The following MACROD2 variants were observed in gnomAD, a reference collection of about 807,000 sequenced individuals.
MACROD2 encodes the protein ADP-ribose glycohydrolase MACROD2.
In MACROD2, 36 loss-of-function variants were observed where a neutral mutation model predicts 70.4. That is an observed-to-expected ratio of 0.51 (90% CI 0.39 to 0.68). The LOEUF (loss-of-function observed/expected upper bound fraction) is 0.68. Ranked by LOEUF, MACROD2 falls within the 30% of genes least tolerant of loss-of-function variation. MACROD2 has a pLI of 0.00. For synonymous variants in MACROD2, 172 were observed against 178.8 expected (o/e 0.96, Z 0.30); for missense variants, 496 against 538.4 (o/e 0.92, Z 0.78).
At chr20:14,714,557 G>C (rs547027471) in intron 5 of MACROD2, among the ~76,000 whole-genome samples, 1 of 152,038 alleles carries the variant, frequency 6.6e-6, no homozygotes, top group Non-Finnish European at 1.5e-5. Context: ...CCTTCTCTTC[G>C]GTCTCATCCT....
chr20:14,929,852 C>A (rs2074276135), intron 5 of MACROD2, among the ~76,000 whole-genome samples: 1 of 152,096 alleles, frequency 6.6e-6, no homozygotes, highest in Admixed American at 6.6e-5. Context: ...TCTCCTGTCA[C>A]CCCATCACTT....
chr20:14,187,978 G>A (rs2081358129), intron 3 of MACROD2, among the ~76,000 whole-genome samples: 1 of 152,258 alleles, frequency 6.6e-6, no homozygotes, highest in African/African-American at 2.4e-5. Context: ...TTGATACTCA[G>A]CACAAAGGTA....
intron 2 of MACROD2, among the ~76,000 whole-genome samples, chr20:14,009,351 T>C (rs570066683): frequency 2.0e-5 from 3 of 152,196 alleles, no homozygotes; most frequent in South Asian, 2.1e-4. Flanking sequence ...AACAAACATA[T>C]GACAAAAAGC....
intron 6 of MACROD2, among the ~76,000 whole-genome samples, chr20:15,417,598 C>CAAAAAA (rs71340225): frequency 8.7e-5 from 6 of 69,264 alleles, no homozygotes; most frequent in Admixed American, 1.8e-4. Context: ...AACCCTGTCT[C>CAAAAAA]AAAAAAAAAA....
chr20:15,678,798 G>A (rs74947008), intron 8 of MACROD2, among the ~76,000 whole-genome samples: 81 of 146,656 alleles, frequency 5.5e-4, no homozygotes, highest in African/African-American at 1.9e-3. Flanking sequence ...GGTGTGTTGG[G>A]AAACTGATAA....
intron 5 of MACROD2, chr20:14,893,326 G>T (rs2073787100): frequency 6.6e-6 from 1 of 152,206 alleles, no homozygotes; most frequent in South Asian, 2.1e-4. Context: ...AAGTGGAATT[G>T]CTGGGTCATA....
chr20:15,028,423 T>C (rs531390645), intron 5 of MACROD2, among the ~76,000 whole-genome samples: 1 of 152,194 alleles, frequency 6.6e-6, no homozygotes, highest in Non-Finnish European at 1.5e-5. Flanking sequence ...CCAAGCAAAG[T>C]ACTGCAAACA....
intron 2 of MACROD2, among the ~76,000 whole-genome samples, chr20:14,016,064 A>G (rs971953660): frequency 1.3e-5 from 2 of 152,216 alleles, no homozygotes; most frequent in African/African-American, 4.8e-5. Flanking sequence ...TGTAGTGGCT[A>G]TAGTATTTTA....
intron 8 of MACROD2, among the ~76,000 whole-genome samples, chr20:15,634,556 G>T (rs1356271766): frequency 6.6e-6 from 1 of 152,148 alleles, no homozygotes; most frequent in Non-Finnish European, 1.5e-5. Flanking sequence ...TCTGTAAATT[G>T]TTATAGGCTG....
At chr20:15,449,847 G>C (rs1600427308) in intron 7 of MACROD2, among the ~76,000 whole-genome samples, 1 of 152,086 alleles carries the variant, frequency 6.6e-6, no homozygotes, top group African/African-American at 2.4e-5. Context: ...ACAAAAATTA[G>C]CTGGGCATGG....
At chr20:14,052,339 T>C (rs1030525707) in intron 2 of MACROD2, among the ~76,000 whole-genome samples, 1 of 152,172 alleles carries the variant, frequency 6.6e-6, no homozygotes, top group African/African-American at 2.4e-5. Context: ...GCTGACATAA[T>C]AGTATTAGCT....
intron 6 of MACROD2, among the ~76,000 whole-genome samples, chr20:15,374,539 C>T (rs2045536756): frequency 6.6e-6 from 1 of 152,062 alleles, no homozygotes; most frequent in South Asian, 2.1e-4. Flanking sequence ...ACACAGCTTT[C>T]CTTGGTGCCA....
intron 3 of MACROD2, among the ~76,000 whole-genome samples, chr20:14,284,879 T>A (rs1022785050): frequency 6.6e-6 from 1 of 152,232 alleles, no homozygotes; most frequent in Non-Finnish European, 1.5e-5. Context: ...AGAAATAACT[T>A]GGTAATGTTA....
chr20:15,723,342 AGTCTATGG>A (rs1344286569), intron 8 of MACROD2, among the ~76,000 whole-genome samples: 2 of 152,192 alleles, frequency 1.3e-5, no homozygotes, highest in African/African-American at 4.8e-5. Context: ...GGTGCTGTAC[AGTCTATGG>A]GTTTGGACAA....
At chr20:15,880,564 G>T (rs561183369) in intron 9 of MACROD2, among the ~76,000 whole-genome samples, 1 of 151,996 alleles carries the variant, frequency 6.6e-6, no homozygotes, top group African/African-American at 2.4e-5. Flanking sequence ...TGGACAACTG[G>T]GGCTCAATCC....
At chr20:15,471,609 C>G (rs919356607) in intron 7 of MACROD2, among the ~76,000 whole-genome samples, 2 of 152,186 alleles carry the variant, frequency 1.3e-5, no homozygotes, top group African/African-American at 4.8e-5. Flanking sequence ...GCCAAGTTTA[C>G]TCTGTAGATT....
In MACROD2 at chr20:15,782,717, CAAAAAA is replaced by C. The variant is rs11472322; in HGVS notation, c.646-80011_646-80006del. ...GAGACATATGCAGATAGAGAAATGG[CAAAAAA>C]AAAAAAAAAAAAAAAAGTTGTTGGT... On this transcript the variant is annotated intron_variant, in intron 8 of 17. Transcript: ENST00000684519. Among the ~76,000 whole-genome samples the C allele has an allele frequency of 3.1e-4, 26 of 83,350 alleles. No individual in the cohort carries two copies. In the East Asian group the frequency reaches 7.4e-3, roughly 24 times the overall value. 54.7% of individuals were successfully genotyped at this position (83,350 alleles called of 152,430 possible).
chr20:15,565,374 A>G (rs2048296796), intron 8 of MACROD2, among the ~76,000 whole-genome samples: 1 of 152,242 alleles, frequency 6.6e-6, no homozygotes, highest in Non-Finnish European at 1.5e-5. Context: ...GATTTTCTGC[A>G]AACTTCATGT....
intron 3 of MACROD2, among the ~76,000 whole-genome samples, chr20:14,205,629 G>C (rs993259095): frequency 6.6e-6 from 1 of 152,136 alleles, no homozygotes; most frequent in African/African-American, 2.4e-5. Context: ...GGCATATTTA[G>C]GCAAGCCTCC....
Sources: gnomAD v4.1 joint callset for allele counts (sites outside exome capture counted in the v4.1 genomes callset) on GRCh38, gnomAD v4.1.1 for gene constraint, MANE v1.5 for transcripts, NCBI Gene and HGNC (gene_info 2026-07-23, HGNC 2026-07-21) for gene names.